The following TRPM3 variants were observed in gnomAD, a reference collection of about 807,000 sequenced individuals.
TRPM3 encodes transient receptor potential cation channel subfamily M member 3, also known as long transient receptor potential channel 3.
TRPM3 carries 77 observed loss-of-function variants against 181.2 expected under a neutral mutation model. The ratio of observed to expected loss-of-function variants is 0.42; its 90% CI spans 0.35 to 0.51. The LOEUF is 0.51. Among genes scored for constraint, TRPM3 ranks in the 20% least tolerant of loss-of-function variants. The pLI, the probability that TRPM3 is intolerant of heterozygous loss-of-function variation, is 0.01. For missense variants in TRPM3, 1,759 were observed against 2,196.7 expected (o/e 0.80, Z 3.98); for synonymous variants, 745 against 796.4 (o/e 0.94, Z 1.09).
chr9:71,023,703 A>G (rs974089951), intron 1 of TRPM3, among the ~76,000 whole-genome samples: 1 of 141,750 alleles, frequency 7.1e-6, no homozygotes, highest in Non-Finnish European at 1.6e-5. Context: ...ATGCTGAGTA[A>G]AAAAAAAAAA....
intron 1 of TRPM3, among the ~76,000 whole-genome samples, chr9:71,090,869 T>C (rs2066086782): frequency 1.3e-5 from 2 of 152,180 alleles, no homozygotes; most frequent in South Asian, 4.1e-4. Flanking sequence ...ATATAGGAAG[T>C]ACTTAAAAAA....
chr9:71,136,895 G>A (rs2074799077), intron 1 of TRPM3, among the ~76,000 whole-genome samples: 1 of 152,166 alleles, frequency 6.6e-6, no homozygotes, highest in South Asian at 2.1e-4. Context: ...TGTGGATGAC[G>A]ACAGTTGCTA....
intron 7 of TRPM3, among the ~76,000 whole-genome samples, chr9:70,773,041 C>A (rs1308577420): frequency 2.0e-5 from 3 of 152,174 alleles, no homozygotes; most frequent in African/African-American, 4.8e-5. Flanking sequence ...ACAACACTGG[C>A]CTCCTGCAAT....
intron 1 of TRPM3, among the ~76,000 whole-genome samples, chr9:71,013,843 T>C (rs1336306342): frequency 6.6e-6 from 1 of 152,098 alleles, no homozygotes; most frequent in Non-Finnish European, 1.5e-5. Context: ...TTGATAATCA[T>C]TTGTCTAATT....
chr9:71,185,656 C>T (rs1182364210), intron 1 of TRPM3, among the ~76,000 whole-genome samples: 1 of 152,022 alleles, frequency 6.6e-6, no homozygotes, highest in Non-Finnish European at 1.5e-5. Context: ...ATATGCCAGG[C>T]TCTGTGCTAT....
chr9:71,374,299 C>T (rs549783313), intron 1 of TRPM3, among the ~76,000 whole-genome samples: 7 of 152,012 alleles, frequency 4.6e-5, no homozygotes, highest in Non-Finnish European at 7.4e-5. Flanking sequence ...ACTGGAACCC[C>T]GGAGGCAGAG....
intron 1 of TRPM3, among the ~76,000 whole-genome samples, chr9:71,155,751 C>A (rs1440042552): frequency 6.6e-6 from 1 of 151,936 alleles, no homozygotes; most frequent in Non-Finnish European, 1.5e-5. Context: ...CAACAATACA[C>A]AAGTAAAATA....
At chr9:70,928,456 A>G (rs1454790419) in intron 1 of TRPM3, among the ~76,000 whole-genome samples, 3 of 152,212 alleles carry the variant, frequency 2.0e-5, no homozygotes, top group Non-Finnish European at 4.4e-5. Flanking sequence ...ACCTGATCCC[A>G]AGAGAACCCA....
intron 1 of TRPM3, among the ~76,000 whole-genome samples, chr9:71,213,377 CTTAG>C (rs1467876884): frequency 6.6e-6 from 1 of 152,020 alleles, no homozygotes; most frequent in Non-Finnish European, 1.5e-5. Context: ...GCCTACGGGC[CTTAG>C]TTAGCCAAAG....
intron 8 of TRPM3, among the ~76,000 whole-genome samples, chr9:70,700,987 C>T (rs996116273): frequency 6.6e-6 from 1 of 152,184 alleles, no homozygotes; most frequent in African/African-American, 2.4e-5. Context: ...ATCACATTTA[C>T]CACTTCAGTC....
intron 1 of TRPM3, among the ~76,000 whole-genome samples, chr9:71,141,379 T>C (rs2075091399): frequency 6.6e-6 from 1 of 152,158 alleles, no homozygotes; most frequent in Non-Finnish European, 1.5e-5. Flanking sequence ...GTAAGCTGGA[T>C]TTTAGTGTTC....
intron 9 of TRPM3, among the ~76,000 whole-genome samples, chr9:70,670,583 T>A (rs991142865): frequency 3.3e-5 from 5 of 152,250 alleles, no homozygotes; most frequent in African/African-American, 9.6e-5. Context: ...TTCTGGATTC[T>A]CACATGTATG....
At chr9:71,147,852 A>G (rs1414960569) in intron 1 of TRPM3, among the ~76,000 whole-genome samples, 1 of 152,180 alleles carries the variant, frequency 6.6e-6, no homozygotes, top group African/African-American at 2.4e-5. Flanking sequence ...CAGGGGCCTT[A>G]CAAGGGGTTC....
At chr9:70,948,909 G>C (rs2096964837) in intron 1 of TRPM3, among the ~76,000 whole-genome samples, 1 of 152,122 alleles carries the variant, frequency 6.6e-6, no homozygotes, top group South Asian at 2.1e-4. Context: ...TCATCATATT[G>C]TATCCTTACT....
intron 1 of TRPM3, among the ~76,000 whole-genome samples, chr9:71,016,554 C>T (rs893742443): frequency 6.6e-6 from 1 of 152,154 alleles, no homozygotes; most frequent in African/African-American, 2.4e-5. Context: ...AACATAACAT[C>T]TTCGAGATCC....
At chr9:71,334,962 G>C (rs1204068314) in intron 1 of TRPM3, among the ~76,000 whole-genome samples, 2 of 152,024 alleles carry the variant, frequency 1.3e-5, no homozygotes, top group Non-Finnish European at 2.9e-5. Context: ...AATCACTGAA[G>C]AGAAATCAAT....
intron 1 of TRPM3, among the ~76,000 whole-genome samples, chr9:71,264,204 A>G (rs543399092): frequency 4.6e-5 from 7 of 152,156 alleles, no homozygotes; most frequent in Non-Finnish European, 7.3e-5. Context: ...TGAAAAGGAC[A>G]AGTAACACAC....
intron 1 of TRPM3, among the ~76,000 whole-genome samples, chr9:70,959,450 C>G (rs1312381022): frequency 6.9e-6 from 1 of 144,766 alleles, no homozygotes; most frequent in Admixed American, 6.9e-5. Flanking sequence ...ATCACTTTAA[C>G]AAAGAGAAAA....
rs74792503 is a variant in TRPM3, at chr9:71,001,264, C to T, written c.177+119914G>A. On this transcript the variant is annotated intron_variant, in intron 1 of 25. Transcript: ENST00000677713. ...TGCCCAACCGTAAGCCCACATGGGG[C>T]TCATGTCTATAACCAATTCAGTAGT... Among the ~76,000 whole-genome samples the T allele has an allele frequency of 5.0e-3, 756 of 152,264 alleles. 19 individuals are homozygous for T. In the East Asian group the frequency reaches 0.078, roughly 16 times the overall value.
Sources: gnomAD v4.1 joint callset for allele counts (sites outside exome capture counted in the v4.1 genomes callset) on GRCh38, gnomAD v4.1.1 for gene constraint, MANE v1.5 for transcripts, NCBI Gene and HGNC (gene_info 2026-07-23, HGNC 2026-07-21) for gene names.